The following PCDHGA4 variants were observed in gnomAD, a reference collection of about 807,000 sequenced individuals.
The protein encoded by PCDHGA4 is protocadherin gamma subfamily A, 4.
A neutral mutation model predicts 54.6 loss-of-function variants in PCDHGA4; 38 were observed. That is an observed-to-expected ratio of 0.70 (90% CI 0.54 to 0.91). The LOEUF (loss-of-function observed/expected upper bound fraction) is 0.91, where lower values mean the gene tolerates loss of function less well. Ranked by LOEUF, PCDHGA4 falls within the 40% of genes least tolerant of loss-of-function variation. PCDHGA4 has a pLI of 0.00. For synonymous variants in PCDHGA4, 511 were observed against 512.9 expected (o/e 1.00, Z 0.05); for missense variants, 1,298 against 1,220.9 (o/e 1.06, Z -0.94).
intron 1 of PCDHGA4, chr5:141,372,194 C>T: frequency 6.2e-7 from 1 of 1,613,572 alleles, no homozygotes; most frequent in Non-Finnish European, 8.5e-7. Context: ...ACTCGGGATA[C>T]AACGCCTGGC....
At chr5:141,423,994 A>G (rs2096794168) in intron 1 of PCDHGA4, 17 of 1,081,216 alleles carry the variant, frequency 1.6e-5, no homozygotes, top group Non-Finnish European at 1.8e-5. Flanking sequence ...TCAATTTATT[A>G]TATATAGATA....
chr5:141,384,461 A>G, intron 1 of PCDHGA4: 1 of 1,614,078 alleles, frequency 6.2e-7, no homozygotes, highest in Non-Finnish European at 8.5e-7. Flanking sequence ...CAATCCTTTG[A>G]TTATGAGCAG....
intron 1 of PCDHGA4, among the ~76,000 whole-genome samples, chr5:141,466,506 G>A (rs1417729031): frequency 6.6e-6 from 1 of 152,156 alleles, no homozygotes; most frequent in Non-Finnish European, 1.5e-5. Context: ...GCACAGACAA[G>A]ATCATTTTTT....
At chr5:141,418,732 G>A (rs747081573) in intron 1 of PCDHGA4, 1 of 1,613,994 alleles carries the variant, frequency 6.2e-7, no homozygotes, top group Non-Finnish European at 8.5e-7. Flanking sequence ...CTCAGCACGT[G>A]TTCTCTCTGG....
At chr5:141,472,040 G>T (rs1431219928) in intron 1 of PCDHGA4, among the ~76,000 whole-genome samples, 4 of 152,018 alleles carry the variant, frequency 2.6e-5, no homozygotes, top group Non-Finnish European at 5.9e-5. Flanking sequence ...GCTGTGAAAA[G>T]ATTTTAAAAA....
chr5:141,485,221 C>G lies in PCDHGA4; in HGVS notation c.2515-9586C>G. ...GGACAGAAATCTGGCGGTGGGCTACCCTTTTGTTCCTCTTTTACCACCTGG... is the reference window on the plus strand; with the variant it reads ...GGACAGAAATCTGGCGGTGGGCTACGCTTTTGTTCCTCTTTTACCACCTGG... On this transcript the variant is annotated intron_variant, in intron 1 of 3. Transcript: ENST00000571252. The surrounding 1 kb of genome is among the most constrained non-coding windows in gnomAD (Gnocchi z 5.7). The G allele has an allele frequency of 6.2e-7, 1 of 1,614,118 alleles. No individual in the cohort carries two copies. Among genetic ancestry groups the G allele is most frequent in the Non-Finnish European group, 8.5e-7 (1 of 1,180,010 alleles).
intron 1 of PCDHGA4, among the ~76,000 whole-genome samples, chr5:141,459,831 G>T (rs907978430): frequency 1.3e-5 from 2 of 152,150 alleles, no homozygotes; most frequent in Non-Finnish European, 2.9e-5. Context: ...CTTTTCATGT[G>T]TTGTCTATTT....
In PCDHGA4 at chr5:141,476,651, T is replaced by C. The variant is rs1355056895; in HGVS notation, c.2515-18156T>C. On this transcript the variant is annotated intron_variant, in intron 1 of 3. Coordinates refer to ENST00000571252, the MANE Select transcript of PCDHGA4 (RefSeq NM_018917.4). This position sits in a 1 kb window ranked among gnomAD's most constrained non-coding sequence, Gnocchi z 7.6. ...AACCTATGAGCTGAGCCGAAATGAA[T>C]ACTTTGCGCTTCGCGTGCAGACGCG... is the stretch of plus-strand genomic sequence containing the variant. The C allele has an allele frequency of 3.7e-6, 6 of 1,614,118 alleles. No individual in the cohort carries two copies. Among genetic ancestry groups the C allele is most frequent in the Non-Finnish European group, 5.1e-6 (6 of 1,180,050 alleles).
chr5:141,394,863 C>T (rs758408774), intron 1 of PCDHGA4: 37 of 1,613,708 alleles, frequency 2.3e-5, no homozygotes, highest in Non-Finnish European at 2.9e-5. Context: ...TTCGGTCGAC[C>T]CGAACGATTC....
At chr5:141,503,729 G>C (rs531112359) in intron 2 of PCDHGA4, among the ~76,000 whole-genome samples, 1 of 152,190 alleles carries the variant, frequency 6.6e-6, no homozygotes, top group East Asian at 1.9e-4. Flanking sequence ...CTTTATGTTT[G>C]TTGTGATGGT....
At chr5:141,478,050 CG>C in intron 1 of PCDHGA4, 1 of 1,614,184 alleles carries the variant, frequency 6.2e-7, no homozygotes, top group Non-Finnish European at 8.5e-7. Context: ...CAGACTCTCA[CG>C]GTCTTGATCA....
At chr5:141,360,658 A>C in intron 1 of PCDHGA4, 1 of 1,613,590 alleles carries the variant, frequency 6.2e-7, no homozygotes, top group Non-Finnish European at 8.5e-7. Context: ...CCTTAATGAC[A>C]ACGAGTACTT....
chr5:141,390,183 T>G, intron 1 of PCDHGA4: 2 of 1,614,036 alleles, frequency 1.2e-6, no homozygotes, highest in Non-Finnish European at 1.7e-6. Context: ...TTTCCTAAAA[T>G]GTAGTGAGCA....
rs941528168 is a variant in PCDHGA4, at chr5:141,476,433, T to C, written c.2515-18374T>C. 2 of 1,614,094 alleles carry C rather than the reference T, an allele frequency of 1.2e-6. No individual in the cohort carries two copies. The highest frequency in any genetic ancestry group is 2.2e-5 in the East Asian group (1 of 44,856). ...TGTGGGACACTGCCCTCTTGCACTGTAACTCTGGAGTTGGTAGTGGAGAAC... is the reference window on the plus strand; with the variant it reads ...TGTGGGACACTGCCCTCTTGCACTGCAACTCTGGAGTTGGTAGTGGAGAAC... On this transcript the variant is annotated intron_variant, in intron 1 of 3. Coordinates refer to ENST00000571252, the MANE Select transcript of PCDHGA4 (RefSeq NM_018917.4). This position sits in a 1 kb window ranked among gnomAD's most constrained non-coding sequence, Gnocchi z 7.6.
At position 141,361,155 on chromosome 5, in the gene PCDHGA4, C is replaced by A. The variant is rs760085788; in HGVS notation, c.2514+3534C>A. On this transcript the variant is annotated intron_variant, in intron 1 of 3. Coordinates refer to ENST00000571252, the MANE Select transcript of PCDHGA4 (RefSeq NM_018917.4). Reference sequence around the variant, plus strand: ...GTATCCAAGTTGAAATTCTTGATGACAACGATTGTGCACCTGAAGTTATTG... The same window carrying A: ...GTATCCAAGTTGAAATTCTTGATGAAAACGATTGTGCACCTGAAGTTATTG... 16 of 1,613,954 alleles carry A rather than the reference C, an allele frequency of 9.9e-6. No homozygotes were observed. In the South Asian group the frequency reaches 1.6e-4, roughly 17 times the overall value.
rs764692908 is a variant in PCDHGA4 at position 141,431,246 on chromosome 5, G to C, written c.2515-63561G>C. On this transcript the variant is annotated intron_variant, in intron 1 of 3. Coordinates refer to ENST00000571252, the MANE Select transcript of PCDHGA4 (RefSeq NM_018917.4). The surrounding 1 kb of genome is among the most constrained non-coding windows in gnomAD (Gnocchi z 4.8). ...ACCCCACGCCTGGGATCCGGATATC[G>C]GGAAGAACTCTCTGCAGAGCTACGA... 9 of 1,613,982 alleles carry C rather than the reference G, an allele frequency of 5.6e-6. No individual in the cohort carries two copies. Among genetic ancestry groups the C allele is most frequent in the Non-Finnish European group, 7.6e-6 (9 of 1,180,050 alleles).
At chr5:141,457,573 C>T (rs934685938) in intron 1 of PCDHGA4, among the ~76,000 whole-genome samples, 3 of 152,206 alleles carry the variant, frequency 2.0e-5, no homozygotes, top group Non-Finnish European at 4.4e-5. Flanking sequence ...CAAAATTTTT[C>T]TCTCCAGTCC....
chr5:141,355,539 A>G lies in PCDHGA4; in HGVS notation c.432A>G (p.Thr144=), dbSNP rs1759893853. The part of the protein sequence containing the change: ...VTNLEILLED[T]VKILRVEVEI... ...ACCTGGAGATTCTTCTAGAAGATAC[A>G]GTGAAGATTTTGCGGGTAGAGGTGG... The change falls in exon 1 of 4, where the codon ACA becomes ACG. Residue 144 remains threonine, a synonymous_variant. Coordinates refer to ENST00000571252, the MANE Select transcript of PCDHGA4 (RefSeq NM_018917.4). 2 of 1,613,954 alleles carry G rather than the reference A, an allele frequency of 1.2e-6. No individual in the cohort carries two copies. Among genetic ancestry groups the G allele is most frequent in the Non-Finnish European group, 1.7e-6 (2 of 1,179,916 alleles).
In PCDHGA4 at chr5:141,491,250, C is replaced by T. The variant is rs1328621598; in HGVS notation, c.2515-3557C>T. The T allele has an allele frequency of 6.2e-7, 1 of 1,614,148 alleles. No individual in the cohort carries two copies. Among genetic ancestry groups the T allele is most frequent in the South Asian group, 1.1e-5 (1 of 91,092 alleles). ...TGCTGCTGGTTCTGGAGGATGAGGA[C>T]CCTGAGGAAATGCCCAAATCCAGTG... On this transcript the variant is annotated intron_variant, in intron 1 of 3. Transcript: ENST00000571252. The surrounding 1 kb of genome is among the most constrained non-coding windows in gnomAD (Gnocchi z 6.9).
Sources: allele counts gnomAD v4.1 joint callset (sites outside exome capture counted in the v4.1 genomes callset), GRCh38; gene constraint gnomAD v4.1.1; non-coding constraint Gnocchi (gnomAD v3.1); transcripts MANE v1.5; gene names NCBI Gene and HGNC (gene_info 2026-07-23, HGNC 2026-07-21).